Variants in STK38 observed in about 807,000 individuals in gnomAD.
STK38 encodes serine/threonine kinase 38, also known as serine/threonine-protein kinase 38.
Under a neutral mutation model 59.0 loss-of-function variants are expected in STK38, and 26 were observed. The ratio of observed to expected loss-of-function variants is 0.44; its 90% CI spans 0.32 to 0.61. The LOEUF is 0.61. Ranked by LOEUF, STK38 falls within the 20% of genes least tolerant of loss-of-function variation. The pLI, the probability that STK38 is intolerant of heterozygous loss-of-function variation, is 0.04. For synonymous variants in STK38, 175 were observed against 176.6 expected (o/e 0.99, Z 0.07); for missense variants, 433 against 566.0 (o/e 0.76, Z 2.38).
intron 11 of STK38, 41 bp from the exon 12 acceptor site, chr6:36,497,916 TC>T: frequency 8.3e-7 from 1 of 1,209,104 alleles, no homozygotes; most frequent in Non-Finnish European, 1.2e-6. Context: ...TCAAGCAGTC[TC>T]CTCAGAAAAA....
chr6:36,537,581 C>T (rs1257052230), intron 2 of STK38, among the ~76,000 whole-genome samples: 1 of 152,104 alleles, frequency 6.6e-6, no homozygotes. Context: ...ATTATTGATG[C>T]ATATAGCAAC....
intron 2 of STK38, among the ~76,000 whole-genome samples, chr6:36,538,999 C>T (rs1371819311): frequency 6.6e-6 from 1 of 151,632 alleles, no homozygotes; most frequent in Non-Finnish European, 1.5e-5. Context: ...ATTATAGACT[C>T]TAGATGATAT....
chr6:36,510,511 C>A (rs1428227448), intron 7 of STK38, among the ~76,000 whole-genome samples: 2 of 152,340 alleles, frequency 1.3e-5, no homozygotes, highest in African/African-American at 4.8e-5. Context: ...GAGGGCAGGG[C>A]TCCCGCTTGT....
intron 2 of STK38, 55 bp downstream of exon 2, chr6:36,540,017 T>C (rs1429124591): frequency 6.2e-7 from 1 of 1,605,048 alleles, no homozygotes; most frequent in Non-Finnish European, 8.5e-7. Flanking sequence ...TGTTTTACAA[T>C]ACGAGAAAGG....
At chr6:36,517,681 A>G in intron 6 of STK38, 36 bp downstream of exon 6, 1 of 1,606,214 alleles carries the variant, frequency 6.2e-7, no homozygotes, top group Non-Finnish European at 8.5e-7. Flanking sequence ...CCACAGAACA[A>G]AAAGAAAAAA....
In STK38 at chr6:36,540,174, G is replaced by T; in HGVS notation, c.29C>A (p.Ser10Ter). Residue 10 changes from serine to a stop codon, truncating the protein, a stop_gained, in exon 2 of 14, where the codon TCA (serine) becomes TAA (stop). Coordinates refer to ENST00000229812, the MANE Select transcript of STK38 (RefSeq NM_007271.4). LOFTEE classifies it high-confidence loss of function. MAMTGSTPC[S>*]SMSNHTKERV... ...TTCCTTTGTGTGGTTACTCATGGAT[G>T]AGCAAGGTGTTGAGCCTGTCATTGC... 6.2e-7 allele frequency: 1 copy of T among 1,614,048 alleles called. No individual in the cohort carries two copies. The highest frequency in any genetic ancestry group is 8.5e-7 in the Non-Finnish European group (1 of 1,179,970).
At chr6:36,531,342 T>C (rs1331554234) in intron 2 of STK38, among the ~76,000 whole-genome samples, 1 of 151,960 alleles carries the variant, frequency 6.6e-6, no homozygotes, top group African/African-American at 2.4e-5. Context: ...TTTATGGTTT[T>C]AATTAATCCA....
chr6:36,528,986 A>T (rs1466534037), intron 2 of STK38, among the ~76,000 whole-genome samples: 1 of 152,224 alleles, frequency 6.6e-6, no homozygotes, highest in Non-Finnish European at 1.5e-5. Context: ...GAACACAATC[A>T]GATTATTTCA....
intron 5 of STK38, among the ~76,000 whole-genome samples, chr6:36,518,180 T>C (rs1333485698): frequency 6.6e-6 from 1 of 152,254 alleles, no homozygotes; most frequent in Non-Finnish European, 1.5e-5. Context: ...AATAATCTTT[T>C]ATGATAAAAA....
intron 9 of STK38, among the ~76,000 whole-genome samples, chr6:36,502,880 TCTG>T (rs1451286341): frequency 1.3e-5 from 2 of 152,206 alleles, no homozygotes; most frequent in Non-Finnish European, 2.9e-5. Flanking sequence ...TATACAGTCT[TCTG>T]CTATTAGATT....
chr6:36,505,249 A>C (rs1351502001), intron 9 of STK38, among the ~76,000 whole-genome samples: 1 of 152,256 alleles, frequency 6.6e-6, no homozygotes. Flanking sequence ...GACATAATAG[A>C]AGCATCTGAC....
intron 2 of STK38, among the ~76,000 whole-genome samples, chr6:36,526,304 G>A (rs994807680): frequency 6.9e-5 from 10 of 145,976 alleles, no homozygotes; most frequent in African/African-American, 2.3e-4. Flanking sequence ...ATATCATGCT[G>A]TTTCTTTCCC....
intron 1 of STK38, among the ~76,000 whole-genome samples, chr6:36,542,439 C>T (rs1777960443): frequency 6.6e-6 from 1 of 152,066 alleles, no homozygotes; most frequent in African/African-American, 2.4e-5. Flanking sequence ...AAGAAAAAAA[C>T]ACCACCAATG....
At chr6:36,505,452 C>T (rs983367322) in intron 9 of STK38, among the ~76,000 whole-genome samples, 3 of 152,160 alleles carry the variant, frequency 2.0e-5, no homozygotes, top group African/African-American at 7.2e-5. Context: ...TCAAATAAAT[C>T]AAAACGAATG....
chr6:36,534,479 T>A (rs1777739425), intron 2 of STK38, among the ~76,000 whole-genome samples: 1 of 151,600 alleles, frequency 6.6e-6, no homozygotes. Context: ...TGATATCCTG[T>A]CTCTACAAAA....
In STK38 at chr6:36,511,188, C is replaced by G. The variant is rs138739758; in HGVS notation, c.670-3586G>C. 8.9e-3 allele frequency among the ~76,000 whole-genome samples: 1,349 copies of G among 152,120 alleles called. 31 individuals carry two copies. Among genetic ancestry groups the G allele is most frequent in the Admixed American group, 0.051 (778 of 15,282 alleles). On this transcript the variant is annotated intron_variant, in intron 7 of 13. Transcript: ENST00000229812. ...ATCAGGCTTAAACATACAAATTTTCCAAAATACAAGGCTACAGGAGCCCTG... is the reference window on the plus strand; with the variant it reads ...ATCAGGCTTAAACATACAAATTTTCGAAAATACAAGGCTACAGGAGCCCTG...
chr6:36,543,596 A>G (rs1777992457), intron 1 of STK38, among the ~76,000 whole-genome samples: 1 of 152,058 alleles, frequency 6.6e-6, no homozygotes, highest in Non-Finnish European at 1.5e-5. Context: ...CCCTGTCTCT[A>G]CTACCCCCCA....
intron 1 of STK38, among the ~76,000 whole-genome samples, chr6:36,542,077 C>T (rs540369706): frequency 2.0e-5 from 3 of 152,200 alleles, no homozygotes; most frequent in African/African-American, 4.8e-5. Flanking sequence ...TCAAGTGATC[C>T]ACCCAACTTG....
chr6:36,517,640 G>A, intron 6 of STK38, 77 bp downstream of exon 6: 1 of 1,551,158 alleles, frequency 6.4e-7, no homozygotes, highest in Non-Finnish European at 8.7e-7. Flanking sequence ...AAAGTAGAAA[G>A]GAGGGTTAAT....
Sources: gnomAD v4.1 joint callset for allele counts (sites outside exome capture counted in the v4.1 genomes callset) on GRCh38, gnomAD v4.1.1 for gene constraint, MANE v1.5 for transcripts, NCBI Gene and HGNC (gene_info 2026-07-23, HGNC 2026-07-21) for gene names.